CAPN2: variants seen among roughly 807,000 people sequenced by gnomAD.
CAPN2 encodes the protein calpain-2 catalytic subunit.
CAPN2 carries 92 observed loss-of-function variants against 102.3 expected under a neutral mutation model. That is an observed-to-expected ratio of 0.90 (90% CI 0.76 to 1.07). CAPN2 has a LOEUF of 1.07. CAPN2 is among the 50% of genes least tolerant of loss of function. CAPN2 has a pLI of 0.00. For synonymous variants in CAPN2, 340 were observed against 355.4 expected, an observed-to-expected ratio of 0.96 and a Z score of 0.49; for missense variants, 800 against 909.4, an observed-to-expected ratio of 0.88 and a Z score of 1.55.
rs1361662304 is a variant in CAPN2, at chr1:223,727,150, G to A, written c.307+9319G>A. Among the ~76,000 whole-genome samples, 1 of 152,152 alleles carries A rather than the reference G, an allele frequency of 6.6e-6. No homozygotes were observed. The highest frequency in any genetic ancestry group is 1.9e-4 in the East Asian group (1 of 5,198). On this transcript the variant is annotated intron_variant, in intron 2 of 20. Transcript: ENST00000295006. This position sits in a 1 kb window ranked among gnomAD's most constrained non-coding sequence, Gnocchi z 4.1. ...TGTTAAAATGCTGTTGTCTCAGGAA[G>A]GGTGAAATTTAGCCAGGAGCAGTCT...
chr1:223,713,852 T>A (rs565467421), intron 1 of CAPN2, among the ~76,000 whole-genome samples: 12 of 152,250 alleles, frequency 7.9e-5, no homozygotes, highest in Non-Finnish European at 1.6e-4. Context: ...TTCTTCTTGC[T>A]AACCTGCTGG....
intron 2 of CAPN2, among the ~76,000 whole-genome samples, chr1:223,719,750 G>A (rs781595415): frequency 1.4e-4 from 22 of 152,088 alleles, no homozygotes; most frequent in Non-Finnish European, 2.8e-4. Context: ...CAGGTGAAAT[G>A]TAAACCTTTT....
intron 2 of CAPN2, among the ~76,000 whole-genome samples, chr1:223,720,479 C>G (rs1660023835): frequency 6.6e-6 from 1 of 152,014 alleles, no homozygotes; most frequent in Non-Finnish European, 1.5e-5. Flanking sequence ...CCACACCTGG[C>G]TAATTTTTGT....
intron 9 of CAPN2, among the ~76,000 whole-genome samples, chr1:223,753,572 A>G (rs1660959677): frequency 6.6e-6 from 1 of 152,228 alleles, no homozygotes; most frequent in East Asian, 1.9e-4. Context: ...TATGGGGCAC[A>G]CCTTCAGTGC....
At chr1:223,773,681 A>G (rs1221782640) in intron 20 of CAPN2, among the ~76,000 whole-genome samples, 1 of 151,872 alleles carries the variant, frequency 6.6e-6, no homozygotes, top group Non-Finnish European at 1.5e-5. Flanking sequence ...CTGGGCAACA[A>G]GAGCAAAACT....
upstream of CAPN2, among the ~76,000 whole-genome samples, chr1:223,711,190 G>A (rs902645862): frequency 2.0e-5 from 3 of 152,290 alleles, no homozygotes; most frequent in Admixed American, 6.5e-5. Context: ...GGGGTGGGTA[G>A]GGGACAAAAC....
Position 223,774,944 on chromosome 1 carries a change from C to A in CAPN2, c.*87C>A. 9.0e-7 allele frequency: 1 copy of A among 1,116,592 alleles called. No individual in the cohort carries two copies. The highest frequency in any genetic ancestry group is 1.3e-6 in the Non-Finnish European group (1 of 746,122). The allele number at this position is 1,116,592 out of a possible 1,614,324, so 69.2% of individuals were successfully genotyped here. Reference sequence around the variant, plus strand: ...CATAGAAATACACTTTGTATCTGGACCTCAAAATTATGGGAACATTTACTT... The same window carrying A: ...CATAGAAATACACTTTGTATCTGGAACTCAAAATTATGGGAACATTTACTT... On this transcript the variant is annotated 3_prime_UTR_variant, in exon 21 of 21. Transcript: ENST00000295006.
chr1:223,717,792 G>A lies in CAPN2; in HGVS notation c.268G>A (p.Gly90Arg), dbSNP rs1480889075. The A allele has an allele frequency of 6.2e-7, 1 of 1,614,118 alleles. No homozygotes were observed. Among genetic ancestry groups the A allele is most frequent in the Non-Finnish European group, 8.5e-7 (1 of 1,179,962 alleles). The change falls in exon 2 of 21, where the codon GGA (glycine) becomes AGA (arginine). Residue 90 changes from glycine (G) to arginine (R), a missense_variant. Gly to Arg is a moderately radical substitution (Grantham distance 125, BLOSUM62 -2). Transcript: ENST00000295006. ...EICADPQFIIGGATRTDICQG... is the reference protein window; with the variant it reads ...EICADPQFIIRGATRTDICQG... ...CTGCGCTGACCCCCAGTTTATCATT[G>A]GAGGAGCCACCCGCACAGACATCTG...
chr1:223,774,633 A>G (rs757552863), intron 20 of CAPN2, among the ~76,000 whole-genome samples: 20 of 152,204 alleles, frequency 1.3e-4, no homozygotes, highest in South Asian at 4.1e-4. Context: ...ATGGCCACTT[A>G]ATGCAAATCA....
At chr1:223,774,523 AACTTCTGATGTGAT>A (rs1192339990) in intron 20 of CAPN2, among the ~76,000 whole-genome samples, 6 of 152,180 alleles carry the variant, frequency 3.9e-5, no homozygotes, top group African/African-American at 1.4e-4. Context: ...ATCCCAAACT[AACTTCTGATGTGAT>A]ACTCTGAGGC....
chr1:223,720,315 C>CT (rs35138708), intron 2 of CAPN2, among the ~76,000 whole-genome samples: 70,803 of 107,064 alleles, frequency 0.66, 25,066 homozygotes, highest in Non-Finnish European at 0.73. Flanking sequence ...CTCTTTCTCT[C>CT]TTTTTTTTTT....
At chr1:223,743,489 T>C (rs944962550) in intron 2 of CAPN2, among the ~76,000 whole-genome samples, 1 of 152,126 alleles carries the variant, frequency 6.6e-6, no homozygotes, top group Non-Finnish European at 1.5e-5. Context: ...CCTTTATATA[T>C]TTGTTTGTTT....
rs1426178106 is a variant in CAPN2 at position 223,721,357 on chromosome 1, T to G, written c.307+3526T>G. On this transcript the variant is annotated intron_variant, in intron 2 of 20. Transcript: ENST00000295006. ...AATGGCTCCCAAGGACCCAGGAAACTCCAAGGCTGAGCTGCTCCTACCTCT... is the reference window on the plus strand; with the variant it reads ...AATGGCTCCCAAGGACCCAGGAAACGCCAAGGCTGAGCTGCTCCTACCTCT... Among the ~76,000 whole-genome samples, 4 of 152,084 alleles carry G rather than the reference T, an allele frequency of 2.6e-5. No individual in the cohort carries two copies. In the East Asian group the frequency reaches 7.7e-4, roughly 29 times the overall value.
Position 223,755,681 on chromosome 1 carries a change from C to G in CAPN2, c.1305+32C>G. On this transcript the variant is annotated intron_variant, in intron 10 of 20. Coordinates refer to ENST00000295006, the MANE Select transcript of CAPN2 (RefSeq NM_001748.5). The surrounding 1 kb of genome is among the most constrained non-coding windows in gnomAD (Gnocchi z 4.1). ...AGCGCAGGGGCTCCTGCCCTCCCTT[C>G]CCCATGTGTTCATCTCAGCCCCTGC... 6.5e-7 allele frequency: 1 copy of G among 1,527,298 alleles called. No homozygotes were observed. The allele number at this position is 1,527,298 out of a possible 1,614,324, so 94.6% of individuals were successfully genotyped here.
intron 7 of CAPN2, 86 bp downstream of exon 7, chr1:223,751,061 T>A: frequency 8.7e-7 from 1 of 1,142,946 alleles, no homozygotes; most frequent in Non-Finnish European, 1.3e-6. Context: ...AGAAGACATG[T>A]GCATTATTCT....
In CAPN2 at chr1:223,712,960, G is replaced by T. The variant is rs896130382; in HGVS notation, c.237+83G>T. 16 of 1,049,204 alleles carry T rather than the reference G, an allele frequency of 1.5e-5. No individual in the cohort carries two copies. In the African/African-American group the frequency reaches 2.5e-4, roughly 17 times the overall value. 65.0% of individuals were successfully genotyped at this position (1,049,204 alleles called of 1,614,324 possible). A position where few individuals can be genotyped will look rare whatever the true frequency, so the allele number is the denominator to read the frequency against. On this transcript the variant is annotated intron_variant, in intron 1 of 20. Transcript: ENST00000295006. ...GGCCGGCCCGCGGCGCGCTGGGGCG[G>T]GGGGCAGCCCGGGTGCTGCAGTGGG...
rs1440342975 is a variant in CAPN2, at chr1:223,759,256, T to C, written c.1318-14T>C. The C allele has an allele frequency of 6.2e-7, 1 of 1,611,038 alleles. No individual in the cohort carries two copies. The highest frequency in any genetic ancestry group is 1.7e-5 in the Admixed American group (1 of 60,012). ...CCCCTCATCTACCCCCATGTTTCTC[T>C]ATTTATTCCTCAGTTAAGTGGGCAG... On this transcript the variant is annotated splice_polypyrimidine_tract_variant and intron_variant, in intron 11 of 20. Coordinates refer to ENST00000295006, the MANE Select transcript of CAPN2 (RefSeq NM_001748.5). This position sits in a 1 kb window ranked among gnomAD's most constrained non-coding sequence, Gnocchi z 4.6.
At chr1:223,761,203 A>G (rs1417380892) in intron 12 of CAPN2, among the ~76,000 whole-genome samples, 1 of 152,262 alleles carries the variant, frequency 6.6e-6, no homozygotes, top group African/African-American at 2.4e-5. Flanking sequence ...ACACCACGCT[A>G]CACGCGAAGG....
In CAPN2 at chr1:223,745,382, T is replaced by G; in HGVS notation, c.503T>G (p.Val168Gly). The change falls in exon 4 of 21, where the codon GTG (valine) becomes GGG (glycine). Residue 168 changes from valine (V) to glycine (G), a missense_variant. Coordinates refer to ENST00000295006, the MANE Select transcript of CAPN2 (RefSeq NM_001748.5). Reference protein sequence around the residue: ...LPTKDGELLFVHSAEGSEFWS... With the variant: ...LPTKDGELLFGHSAEGSEFWS... The stretch of plus-strand genomic sequence containing the variant: ...ACCAAGGACGGGGAGCTGCTCTTTG[T>G]GCATTCAGCCGAAGGGAGCGAGTTC... 6.2e-7 allele frequency: 1 copy of G among 1,614,204 alleles called. No individual in the cohort carries two copies. The highest frequency in any genetic ancestry group is 1.1e-5 in the South Asian group (1 of 91,078).
Sources: allele counts gnomAD v4.1 joint callset (sites outside exome capture counted in the v4.1 genomes callset), GRCh38; gene constraint gnomAD v4.1.1; non-coding constraint Gnocchi (gnomAD v3.1); transcripts MANE v1.5; gene names NCBI Gene and HGNC (gene_info 2026-07-23, HGNC 2026-07-21).